PTPRT: variants seen among roughly 807,000 people sequenced by gnomAD.
The protein encoded by PTPRT is protein tyrosine phosphatase receptor type T.
In PTPRT, 56 loss-of-function variants were observed where a neutral mutation model predicts 176.8. That is an observed-to-expected ratio of 0.32 (90% CI 0.26 to 0.40). The LOEUF (loss-of-function observed/expected upper bound fraction) is 0.40, where lower values mean the gene tolerates loss of function less well. PTPRT is among the 10% of genes least tolerant of loss of function. The probability of loss-of-function intolerance (pLI) is 1.00; values close to 1 mark genes in which losing one functional copy is unlikely to be tolerated. For missense variants in PTPRT, 1,540 were observed against 1,908.2 expected, an observed-to-expected ratio of 0.81 and a Z score of 3.60; for synonymous variants, 783 against 739.0, an observed-to-expected ratio of 1.06 and a Z score of -0.96.
At chr20:42,672,569 C>A (rs547202366) in intron 7 of PTPRT, among the ~76,000 whole-genome samples, 1 of 152,176 alleles carries the variant, frequency 6.6e-6, no homozygotes, top group Non-Finnish European at 1.5e-5. Context: ...CCTTTGACTC[C>A]CTACTCCCAA....
intron 4 of PTPRT, among the ~76,000 whole-genome samples, chr20:42,775,078 C>T (rs773536039): frequency 6.6e-6 from 1 of 152,172 alleles, no homozygotes; most frequent in African/African-American, 2.4e-5. Flanking sequence ...CCCAGGTCAG[C>T]CATCGGCTCG....
intron 9 of PTPRT, among the ~76,000 whole-genome samples, chr20:42,373,838 G>T (rs2145608483): frequency 6.6e-6 from 1 of 152,296 alleles, no homozygotes. Context: ...TACAGTTCAT[G>T]AATCCCAGAA....
chr20:42,434,759 C>T (rs1310247642), intron 9 of PTPRT, among the ~76,000 whole-genome samples: 4 of 151,042 alleles, frequency 2.6e-5, no homozygotes, highest in Non-Finnish European at 5.9e-5. Flanking sequence ...GTCAGGAGTC[C>T]GAGATCAGCC....
chr20:42,161,638 G>A, intron 16 of PTPRT, 96 bp from the exon 17 acceptor site: 1 of 1,260,632 alleles, frequency 7.9e-7, no homozygotes, highest in African/African-American at 1.5e-5. Flanking sequence ...AGGGCAGAGG[G>A]AACCAACTTG....
chr20:42,499,531 C>T (rs553856925), intron 7 of PTPRT, among the ~76,000 whole-genome samples: 1 of 152,170 alleles, frequency 6.6e-6, no homozygotes, highest in East Asian at 1.9e-4. Context: ...ACCTTGCGAT[C>T]CAGCTGCCTC....
intron 2 of PTPRT, among the ~76,000 whole-genome samples, chr20:42,847,462 G>A (rs936495886): frequency 6.6e-6 from 1 of 152,200 alleles, no homozygotes; most frequent in Non-Finnish European, 1.5e-5. Flanking sequence ...TGAGCAGGGT[G>A]GAGGTGGGTA....
chr20:42,927,149 C>T (rs1476600537), intron 1 of PTPRT, among the ~76,000 whole-genome samples: 1 of 152,230 alleles, frequency 6.6e-6, no homozygotes, highest in Non-Finnish European at 1.5e-5. Flanking sequence ...CAGGACTTCC[C>T]ATTTGCCCTC....
chr20:42,184,492 C>T (rs1020967775), intron 16 of PTPRT, among the ~76,000 whole-genome samples: 1 of 140,380 alleles, frequency 7.1e-6, no homozygotes, highest in African/African-American at 2.6e-5. Context: ...TTCCCTCCTT[C>T]CTCCCCCCTT....
chr20:42,208,921 G>A (rs1360370527), intron 15 of PTPRT, among the ~76,000 whole-genome samples: 1 of 152,116 alleles, frequency 6.6e-6, no homozygotes, highest in East Asian at 1.9e-4. Context: ...AAATGTAAAA[G>A]AACACAGAAA....
chr20:42,334,357 T>C (rs1413814291), intron 11 of PTPRT, among the ~76,000 whole-genome samples: 3 of 152,166 alleles, frequency 2.0e-5, no homozygotes, highest in African/African-American at 7.2e-5. Flanking sequence ...AGGGACAAAT[T>C]AACGCTGGTT....
chr20:42,714,647 G>A (rs2146209724), intron 6 of PTPRT, among the ~76,000 whole-genome samples: 1 of 152,294 alleles, frequency 6.6e-6, no homozygotes, highest in East Asian at 1.9e-4. Flanking sequence ...TTCCAGCACA[G>A]TATTTTGATC....
intron 2 of PTPRT, among the ~76,000 whole-genome samples, chr20:42,861,364 CTGAT>C (rs2078657243): frequency 6.6e-6 from 1 of 152,138 alleles, no homozygotes; most frequent in Non-Finnish European, 1.5e-5. Context: ...CATTCCCTAA[CTGAT>C]TGATAAATTA....
chr20:42,403,231 C>T (rs1015761842), intron 9 of PTPRT, among the ~76,000 whole-genome samples: 1 of 152,068 alleles, frequency 6.6e-6, no homozygotes, highest in African/African-American at 2.4e-5. Context: ...ATTGAACATC[C>T]TTATCAACAT....
chr20:43,047,637 C>T (rs771676810), intron 1 of PTPRT, among the ~76,000 whole-genome samples: 6 of 152,130 alleles, frequency 3.9e-5, no homozygotes, highest in Non-Finnish European at 8.8e-5. Flanking sequence ...TATTCAACAA[C>T]TTATTTAGTA....
chr20:42,759,712 A>T (rs2145418076), intron 5 of PTPRT, among the ~76,000 whole-genome samples: 1 of 152,276 alleles, frequency 6.6e-6, no homozygotes, highest in African/African-American at 2.4e-5. Context: ...GTAGTTTTTC[A>T]GATTTAAGTA....
intron 6 of PTPRT, among the ~76,000 whole-genome samples, chr20:42,744,694 C>G (rs962460212): frequency 3.3e-5 from 5 of 152,160 alleles, no homozygotes; most frequent in Admixed American, 2.0e-4. Context: ...AGACAATTTT[C>G]CTCCACAAGG....
chr20:42,691,011 G>A (rs2075784585), intron 6 of PTPRT, among the ~76,000 whole-genome samples: 1 of 151,634 alleles, frequency 6.6e-6, no homozygotes, highest in Non-Finnish European at 1.5e-5. Flanking sequence ...TCCTGTAATG[G>A]GCCATTCAGC....
In PTPRT at chr20:42,601,382, C is replaced by T. The variant is rs1032602028; in HGVS notation, c.1153+76484G>A. 5.9e-5 allele frequency among the ~76,000 whole-genome samples: 9 copies of T among 152,180 alleles called. 1 individual carries two copies. The highest frequency in any genetic ancestry group is 2.1e-4 in the South Asian group (1 of 4,834). On this transcript the variant is annotated intron_variant, in intron 7 of 30. Transcript: ENST00000373187. Reference sequence around the variant, plus strand: ...CGTCACAAAAGCATTATCTACAAATCGCTTTGTAGGCCATCAAGCATCAGC... The same window carrying T: ...CGTCACAAAAGCATTATCTACAAATTGCTTTGTAGGCCATCAAGCATCAGC...
chr20:42,939,955 C>T (rs1218843886), intron 1 of PTPRT, among the ~76,000 whole-genome samples: 1 of 152,134 alleles, frequency 6.6e-6, no homozygotes, highest in African/African-American at 2.4e-5. Flanking sequence ...CCACTCAACA[C>T]CACTATTCTG....
Sources: allele counts gnomAD v4.1 joint callset (sites outside exome capture counted in the v4.1 genomes callset), GRCh38; gene constraint gnomAD v4.1.1; transcripts MANE v1.5; gene names NCBI Gene and HGNC (gene_info 2026-07-23, HGNC 2026-07-21).